NBAS: variants seen among roughly 807,000 people sequenced by gnomAD.
NBAS encodes NAG/BC035112 fusion.
NBAS carries 219 observed loss-of-function variants against 302.5 expected under a neutral mutation model. That is an observed-to-expected ratio of 0.72 (90% CI 0.65 to 0.81). NBAS has a LOEUF of 0.81. NBAS is among the 30% of genes least tolerant of loss of function. The probability of loss-of-function intolerance (pLI) is 0.00; values close to 1 mark genes in which losing one functional copy is unlikely to be tolerated. For synonymous variants in NBAS, 1,118 were observed against 1,021.6 expected, an observed-to-expected ratio of 1.09 and a Z score of -1.80; for missense variants, 2,932 against 2,841.6, an observed-to-expected ratio of 1.03 and a Z score of -0.72.
chr2:15,311,894 C>T (rs1009686924), intron 38 of NBAS, among the ~76,000 whole-genome samples: 7 of 152,106 alleles, frequency 4.6e-5, no homozygotes, highest in Non-Finnish European at 1.0e-4. Flanking sequence ...CTTCCACAGT[C>T]CCCTTTCTTT....
chr2:14,967,786 T>C, the NBAS span, among the ~76,000 whole-genome samples: 1 of 151,988 alleles, frequency 6.6e-6, no homozygotes, highest in African/African-American at 2.4e-5. Context: ...TGGAAAAAAA[T>C]ATATTTGCAA....
intron 11 of NBAS, among the ~76,000 whole-genome samples, chr2:15,501,711 AT>A (rs1182411624): frequency 1.3e-5 from 2 of 150,450 alleles, no homozygotes; most frequent in Non-Finnish European, 2.9e-5. Context: ...AATATTAATA[AT>A]ATGGTTATAC....
chr2:15,024,143 G>A, the NBAS span, among the ~76,000 whole-genome samples: 1 of 151,814 alleles, frequency 6.6e-6, no homozygotes, highest in Admixed American at 6.6e-5. Context: ...TCTCCAGTAA[G>A]CCTCAGTGTC....
chr2:15,281,575 T>C (rs529883373), intron 42 of NBAS, among the ~76,000 whole-genome samples: 2 of 152,336 alleles, frequency 1.3e-5, no homozygotes, highest in African/African-American at 2.4e-5. Context: ...ATATCAGGTA[T>C]TCTGAATAAA....
rs58852086 is a variant in NBAS at position 15,535,523 on chromosome 2, GAAAT to G, written c.648-886_648-883del. ...GGCGACAGAGCAAGACTCCGTCTCA[GAAAT>G]AAATAAATAAATAAATAAATAAATA... On this transcript the variant is annotated intron_variant, in intron 8 of 51. Coordinates refer to ENST00000281513, the MANE Select transcript of NBAS (RefSeq NM_015909.4). 5.0e-3 allele frequency among the ~76,000 whole-genome samples: 501 copies of G among 99,774 alleles called. 8 individuals carry two copies. The South Asian group carries it at 0.055, about 11-fold the overall frequency. The allele number at this position is 99,774 out of a possible 152,430, so 65.5% of individuals were successfully genotyped here.
At chr2:15,472,464 C>A (rs1376685370) in intron 16 of NBAS, among the ~76,000 whole-genome samples, 3 of 152,118 alleles carry the variant, frequency 2.0e-5, no homozygotes, top group Non-Finnish European at 4.4e-5. Flanking sequence ...TTTTTTCTTG[C>A]CAGTCTTGGC....
chr2:15,144,065 A>ATATATATATATATATATAT, the NBAS span, among the ~76,000 whole-genome samples: 13 of 121,664 alleles, frequency 1.1e-4, 1 homozygote, highest in East Asian at 4.2e-4. Context: ...ATATATATAT[A>ATATATATATATATATATAT]TATCTCCCAT....
chr2:15,007,782 T>C, the NBAS span, among the ~76,000 whole-genome samples: 1 of 152,182 alleles, frequency 6.6e-6, no homozygotes, highest in Non-Finnish European at 1.5e-5. Context: ...AACAAAATGT[T>C]TTGAAAATGA....
intron 28 of NBAS, among the ~76,000 whole-genome samples, chr2:15,383,725 C>T (rs1423696241): frequency 6.6e-6 from 1 of 152,210 alleles, no homozygotes; most frequent in Non-Finnish European, 1.5e-5. Context: ...ACTCAGCAAT[C>T]CCTGTCAAGG....
At chr2:15,485,237 T>C in intron 12 of NBAS, among the ~76,000 whole-genome samples, 1 of 150,122 alleles carries the variant, frequency 6.7e-6, no homozygotes, top group Admixed American at 6.6e-5. Context: ...AGAAAAAGGA[T>C]TTGTCTCTGT....
the NBAS span, among the ~76,000 whole-genome samples, chr2:15,116,233 T>C: frequency 8.0e-3 from 1,221 of 152,314 alleles, 14 homozygotes; most frequent in African/African-American, 0.027. Context: ...GGAAATTTTA[T>C]CTTGAAAAGG....
intron 11 of NBAS, among the ~76,000 whole-genome samples, chr2:15,492,062 A>C (rs1680880697): frequency 6.6e-6 from 1 of 152,226 alleles, no homozygotes. Context: ...CACACTGTAA[A>C]TGTAGTATTT....
the NBAS span, among the ~76,000 whole-genome samples, chr2:15,012,818 T>C: frequency 6.6e-6 from 1 of 151,496 alleles, no homozygotes; most frequent in Non-Finnish European, 1.5e-5. Context: ...CCTTCAGAAA[T>C]GAAGGAGCAG....
At chr2:15,049,370 T>C in the NBAS span, among the ~76,000 whole-genome samples, 2 of 152,194 alleles carry the variant, frequency 1.3e-5, no homozygotes, top group Non-Finnish European at 2.9e-5. Flanking sequence ...CATTGTCCTC[T>C]CTGGGGCCTT....
At chr2:15,558,289 AG>A (rs1664737159) in intron 2 of NBAS, among the ~76,000 whole-genome samples, 1 of 152,178 alleles carries the variant, frequency 6.6e-6, no homozygotes, top group Non-Finnish European at 1.5e-5. Context: ...AACAGACCAC[AG>A]ACTGGTACCA....
At chr2:15,218,737 T>C (rs541421645) in intron 48 of NBAS, 36 bp downstream of exon 48, 61 of 1,613,772 alleles carry the variant, frequency 3.8e-5, no homozygotes, top group East Asian at 6.7e-5. Flanking sequence ...CTAATTATTG[T>C]TAGTAAGAAA....
the NBAS span, among the ~76,000 whole-genome samples, chr2:15,087,116 C>G: frequency 6.6e-6 from 1 of 151,930 alleles, no homozygotes; most frequent in Non-Finnish European, 1.5e-5. Context: ...GCCTGCCAGC[C>G]TTTGGACTAG....
chr2:15,108,455 T>G, the NBAS span, among the ~76,000 whole-genome samples: 1 of 152,116 alleles, frequency 6.6e-6, no homozygotes, highest in Non-Finnish European at 1.5e-5. Context: ...ACCATCTTGC[T>G]TTCCTCTATT....
At chr2:14,859,901 A>AGAATGTGG in the NBAS span, among the ~76,000 whole-genome samples, 1 of 152,158 alleles carries the variant, frequency 6.6e-6, no homozygotes, top group South Asian at 2.1e-4. Context: ...CATAACCCAC[A>AGAATGTGG]GAATGTGAGA....
Sources: gnomAD v4.1 joint callset for allele counts (sites outside exome capture counted in the v4.1 genomes callset) on GRCh38, gnomAD v4.1.1 for gene constraint, MANE v1.5 for transcripts, NCBI Gene and HGNC (gene_info 2026-07-23, HGNC 2026-07-21) for gene names.